C16orf74: variants seen among roughly 807,000 people sequenced by gnomAD.
C16orf74 encodes calcimembrin, also known as uncharacterized protein C16orf74.
C16orf74 carries 10 observed loss-of-function variants against 6.5 expected under a neutral mutation model. The observed-to-expected ratio is 1.54, with a 90% CI of 0.95 to 2.61. The LOEUF is 2.61. Among genes scored for constraint, C16orf74 ranks in the 30% most tolerant of loss-of-function variants. The pLI, the probability that C16orf74 is intolerant of heterozygous loss-of-function variation, is 0.00. For missense variants in C16orf74, 141 were observed against 105.9 expected, an observed-to-expected ratio of 1.33 and a Z score of -1.45; for synonymous variants, 60 against 42.5, an observed-to-expected ratio of 1.41 and a Z score of -1.60.
In C16orf74 at chr16:85,712,693, G is replaced by A. The variant is rs575998042; in HGVS notation, c.29-2386C>T. ...AGTAGGCACACTGGCTTTGGAATCA[G>A]GCCACCAGCTGTGTGACCCTGCGTG... is the stretch of plus-strand genomic sequence containing the variant. On this transcript the variant is annotated intron_variant, in intron 2 of 3. Transcript: ENST00000284245. Among the ~76,000 whole-genome samples the A allele has an allele frequency of 4.6e-5, 7 of 152,344 alleles. No homozygotes were observed. In the South Asian group the frequency reaches 1.4e-3, roughly 32 times the overall value.
chr16:85,739,472 AAAC>A (rs1454744124), intron 1 of C16orf74, among the ~76,000 whole-genome samples: 6 of 152,208 alleles, frequency 3.9e-5, no homozygotes, highest in African/African-American at 1.2e-4. Flanking sequence ...TACTTCAGTA[AAAC>A]AACAACAACA....
chr16:85,710,240 G>A lies in C16orf74; in HGVS notation c.96C>T (p.His32=), dbSNP rs189450880. The A allele has an allele frequency of 1.6e-4, 245 of 1,500,258 alleles. 2 individuals are homozygous for A. The East Asian group carries it at 5.9e-3, about 36-fold the overall frequency. 92.9% of individuals were successfully genotyped at this position (1,500,258 alleles called of 1,614,324 possible). ...TGATGATGATGTCGGGCACGTCCAG[G>A]TGCTTGTCGTTCAGGACGGGGGCCT... ...HDEAPVLNDK[H]LDVPDIIITP... The change falls in exon 3 of 4, where the codon CAC becomes CAT. Residue 32 remains histidine, a synonymous_variant. Coordinates refer to ENST00000284245, the MANE Select transcript of C16orf74 (RefSeq NM_206967.3).
chr16:85,733,252 A>T (rs975496496), intron 2 of C16orf74, among the ~76,000 whole-genome samples: 3 of 152,262 alleles, frequency 2.0e-5, no homozygotes, highest in African/African-American at 4.8e-5. Context: ...TGCATGTTCA[A>T]TGTGGATGAG....
chr16:85,726,702 A>G (rs1222539105), intron 2 of C16orf74, among the ~76,000 whole-genome samples: 1 of 152,096 alleles, frequency 6.6e-6, no homozygotes, highest in Admixed American at 6.6e-5. Flanking sequence ...GCTGAAATGT[A>G]TTAGTGGAAT....
chr16:85,739,252 G>A (rs934578743), intron 1 of C16orf74, among the ~76,000 whole-genome samples: 3 of 152,194 alleles, frequency 2.0e-5, no homozygotes, highest in South Asian at 2.1e-4. Context: ...GTGGCTGCTG[G>A]TAAGCCAGAC....
At chr16:85,750,303 C>T (rs2054422733) in intron 1 of C16orf74, among the ~76,000 whole-genome samples, 2 of 152,204 alleles carry the variant, frequency 1.3e-5, no homozygotes, top group South Asian at 4.1e-4. Context: ...CCTCAGACCC[C>T]GCCCTCCGCC....
At chr16:85,744,829 CAAAAA>C (rs11436332) in intron 1 of C16orf74, among the ~76,000 whole-genome samples, 2 of 59,410 alleles carry the variant, frequency 3.4e-5, no homozygotes, top group African/African-American at 1.5e-4. Context: ...GACTCCATCT[CAAAAA>C]AAAAAAAAAA....
At chr16:85,735,304 G>A (rs1030461927) in intron 1 of C16orf74, 69 bp from the exon 2 acceptor site, 86 of 1,240,158 alleles carry the variant, frequency 6.9e-5, no homozygotes, top group Non-Finnish European at 8.7e-5. Context: ...GTGCAGCCGG[G>A]CCCCCACCCT....
In C16orf74 at chr16:85,717,086, C is replaced by T. The variant is rs1231407024; in HGVS notation, c.29-6779G>A. On this transcript the variant is annotated intron_variant, in intron 2 of 3. Coordinates refer to ENST00000284245, the MANE Select transcript of C16orf74 (RefSeq NM_206967.3). ...GCTTCGTGCTCCGGGTCACCAGGCC[C>T]TGACCCCCGCTCTGCGGCCATGCAC... Among the ~76,000 whole-genome samples the T allele has an allele frequency of 5.3e-5, 8 of 152,340 alleles. No homozygotes were observed. The South Asian group carries it at 1.7e-3, about 32-fold the overall frequency.
At position 85,746,558 on chromosome 16, in the gene C16orf74, A is replaced by G. The variant is rs528327961; in HGVS notation, c.-19+4368T>C. On this transcript the variant is annotated intron_variant, in intron 1 of 3. Transcript: ENST00000284245. Reference sequence around the variant, plus strand: ...AGATGAAATCAGAGTAACCCCATGGAGGTCCTGAGTCACGGTGGCACCTTG... The same window carrying G: ...AGATGAAATCAGAGTAACCCCATGGGGGTCCTGAGTCACGGTGGCACCTTG... Among the ~76,000 whole-genome samples the G allele has an allele frequency of 3.9e-5, 6 of 152,248 alleles. No individual in the cohort carries two copies. In the South Asian group the frequency reaches 1.2e-3, roughly 32 times the overall value.
chr16:85,718,547 C>G (rs2054047810), intron 2 of C16orf74, among the ~76,000 whole-genome samples: 1 of 152,224 alleles, frequency 6.6e-6, no homozygotes, highest in Non-Finnish European at 1.5e-5. Flanking sequence ...TGGGCAGTGG[C>G]TCCCCCTCTT....
chr16:85,714,609 G>A (rs1340275614), intron 2 of C16orf74, among the ~76,000 whole-genome samples: 1 of 151,014 alleles, frequency 6.6e-6, no homozygotes, highest in African/African-American at 2.4e-5. Context: ...TCGTAGAGAC[G>A]GCGTTTCACC....
rs530890823 is a variant in C16orf74 at position 85,710,462 on chromosome 16, G to A, written c.29-155C>T. 286 of 591,842 alleles carry A rather than the reference G, an allele frequency of 4.8e-4. 1 individual carries two copies. Among genetic ancestry groups the A allele is most frequent in the Admixed American group, 1.3e-3 (30 of 23,354 alleles). 36.7% of individuals were successfully genotyped at this position (591,842 alleles called of 1,614,324 possible). A position where few individuals can be genotyped will look rare whatever the true frequency, so the allele number is the denominator to read the frequency against. ...GCGCAGCTGTCCCCGCATCACAGAT[G>A]AAAACCGGCGTCTCAGGAATGAAAA... is the stretch of plus-strand genomic sequence containing the variant. On this transcript the variant is annotated intron_variant, in intron 2 of 3. Transcript: ENST00000284245.
chr16:85,730,543 C>A (rs1386301380), intron 2 of C16orf74, among the ~76,000 whole-genome samples: 1 of 134,420 alleles, frequency 7.4e-6, no homozygotes, highest in African/African-American at 2.9e-5. Context: ...CCAGACCAGC[C>A]ACTGAACCCC....
At chr16:85,749,792 G>A (rs951322766) in intron 1 of C16orf74, among the ~76,000 whole-genome samples, 2 of 152,228 alleles carry the variant, frequency 1.3e-5, no homozygotes, top group Non-Finnish European at 2.9e-5. Flanking sequence ...TACACTCTAC[G>A]TGGGTCTGGG....
At chr16:85,737,628 G>A (rs1475712420) in intron 1 of C16orf74, among the ~76,000 whole-genome samples, 1 of 152,122 alleles carries the variant, frequency 6.6e-6, no homozygotes, top group East Asian at 1.9e-4. Flanking sequence ...TCAGGAGTTC[G>A]AGAGCAGCCT....
At chr16:85,713,883 A>C (rs2053993794) in intron 2 of C16orf74, among the ~76,000 whole-genome samples, 1 of 152,062 alleles carries the variant, frequency 6.6e-6, no homozygotes, top group Non-Finnish European at 1.5e-5. Flanking sequence ...TGTGCCTGGG[A>C]CCCTCGTGGG....
At chr16:85,730,157 G>T (rs1346370174) in intron 2 of C16orf74, among the ~76,000 whole-genome samples, 1 of 152,202 alleles carries the variant, frequency 6.6e-6, no homozygotes, top group Non-Finnish European at 1.5e-5. Flanking sequence ...GTCAGAGCGG[G>T]TGAGATGAAG....
At chr16:85,741,646 GCCTC>G (rs777925628) in intron 1 of C16orf74, 121 of 170,576 alleles carry the variant, frequency 7.1e-4, no homozygotes, top group African/African-American at 2.8e-3. Flanking sequence ...TCCTGCTTCT[GCCTC>G]CCTCCAAGGA....
Sources: gnomAD v4.1 joint callset for allele counts (sites outside exome capture counted in the v4.1 genomes callset) on GRCh38, gnomAD v4.1.1 for gene constraint, MANE v1.5 for transcripts, NCBI Gene and HGNC (gene_info 2026-07-23, HGNC 2026-07-21) for gene names.